LHFPL3: variants seen among roughly 807,000 people sequenced by gnomAD.
LHFPL3 encodes LHFPL tetraspan subfamily member 3.
LHFPL3 carries 5 observed loss-of-function variants against 19.3 expected under a neutral mutation model. The ratio of observed to expected loss-of-function variants is 0.26; its 90% CI spans 0.14 to 0.54. LHFPL3 has a LOEUF of 0.54. Ranked by LOEUF, LHFPL3 falls within the 20% of genes least tolerant of loss-of-function variation. The pLI is 0.94. For missense variants in LHFPL3, 249 were observed against 307.4 expected (o/e 0.81, Z 1.42); for synonymous variants, 133 against 126.2 (o/e 1.05, Z -0.36).
intron 1 of LHFPL3, among the ~76,000 whole-genome samples, chr7:104,468,390 C>G (rs1190235899): frequency 6.6e-6 from 1 of 152,174 alleles, no homozygotes; most frequent in Non-Finnish European, 1.5e-5. Flanking sequence ...AAGCCAGTGC[C>G]AATAGCCAGT....
chr7:104,536,088 G>A (rs1056527070), intron 1 of LHFPL3, among the ~76,000 whole-genome samples: 1 of 152,182 alleles, frequency 6.6e-6, no homozygotes, highest in Non-Finnish European at 1.5e-5. Context: ...GCTGCACAGA[G>A]GGCAGAGTAC....
chr7:104,848,805 G>C (rs992613432), intron 2 of LHFPL3, among the ~76,000 whole-genome samples: 1 of 152,168 alleles, frequency 6.6e-6, no homozygotes, highest in Non-Finnish European at 1.5e-5. Context: ...ATATCAGCCT[G>C]GAGGCCTGGT....
intron 2 of LHFPL3, among the ~76,000 whole-genome samples, chr7:104,843,736 G>C (rs1791258538): frequency 6.6e-6 from 1 of 152,142 alleles, no homozygotes; most frequent in Non-Finnish European, 1.5e-5. Context: ...GACCAAAAGA[G>C]AGAAGTAAGA....
intron 1 of LHFPL3, among the ~76,000 whole-genome samples, chr7:104,519,160 A>G (rs1450481072): frequency 6.6e-6 from 1 of 152,114 alleles, no homozygotes; most frequent in Non-Finnish European, 1.5e-5. Flanking sequence ...CCCAAAAGAC[A>G]TCTGTGCTGT....
intron 1 of LHFPL3, among the ~76,000 whole-genome samples, chr7:104,705,978 A>G (rs1237932657): frequency 6.6e-6 from 1 of 151,984 alleles, no homozygotes; most frequent in East Asian, 1.9e-4. Flanking sequence ...CTTCCCCAAC[A>G]CCATAAGGAG....
chr7:104,852,252 G>GA (rs1791427436), intron 2 of LHFPL3, among the ~76,000 whole-genome samples: 1 of 152,168 alleles, frequency 6.6e-6, no homozygotes, highest in African/African-American at 2.4e-5. Context: ...AGAGAGAAGG[G>GA]AAACAAGAAA....
intron 1 of LHFPL3, among the ~76,000 whole-genome samples, chr7:104,418,866 T>C (rs1791675122): frequency 6.6e-6 from 1 of 152,208 alleles, no homozygotes; most frequent in African/African-American, 2.4e-5. Context: ...AGTGAATCCT[T>C]CTGCTGTGTC....
intron 1 of LHFPL3, among the ~76,000 whole-genome samples, chr7:104,658,682 C>T (rs1012452986): frequency 2.0e-5 from 3 of 152,228 alleles, no homozygotes; most frequent in African/African-American, 7.2e-5. Flanking sequence ...CCCAGTTACC[C>T]TGGAGGCTGA....
At chr7:104,332,015 T>C (rs1390022362) in intron 1 of LHFPL3, among the ~76,000 whole-genome samples, 1 of 151,970 alleles carries the variant, frequency 6.6e-6, no homozygotes, top group African/African-American at 2.4e-5. Context: ...AGTAGTCTTC[T>C]CCTACCTATT....
chr7:104,774,403 C>G (rs540853387), intron 2 of LHFPL3, among the ~76,000 whole-genome samples: 1 of 152,184 alleles, frequency 6.6e-6, no homozygotes, highest in Non-Finnish European at 1.5e-5. Flanking sequence ...GAAGAAACTA[C>G]GGCAAGAAAT....
At chr7:104,616,723 T>C (rs1465244373) in intron 1 of LHFPL3, among the ~76,000 whole-genome samples, 2 of 152,138 alleles carry the variant, frequency 1.3e-5, no homozygotes, top group Non-Finnish European at 2.9e-5. Context: ...GGAGAAAATT[T>C]TTCCATTCTG....
intron 2 of LHFPL3, among the ~76,000 whole-genome samples, chr7:104,824,682 TATA>T (rs1409616226): frequency 1.0e-5 from 1 of 97,206 alleles, no homozygotes; most frequent in Non-Finnish European, 1.8e-5. Context: ...TGGCATTATA[TATA>T]ATATATATTA....
At chr7:104,605,712 G>A (rs1791082851) in intron 1 of LHFPL3, among the ~76,000 whole-genome samples, 1 of 151,852 alleles carries the variant, frequency 6.6e-6, no homozygotes, top group Non-Finnish European at 1.5e-5. Context: ...CATATTTTTG[G>A]TATTCAGTTT....
At chr7:104,811,790 C>G (rs1309941590) in intron 2 of LHFPL3, among the ~76,000 whole-genome samples, 2 of 152,176 alleles carry the variant, frequency 1.3e-5, no homozygotes, top group Admixed American at 6.5e-5. Flanking sequence ...AGTTCATTCT[C>G]ATTTTGAAGG....
chr7:104,682,906 A>G (rs1792734840), intron 1 of LHFPL3, among the ~76,000 whole-genome samples: 1 of 152,248 alleles, frequency 6.6e-6, no homozygotes, highest in African/African-American at 2.4e-5. Flanking sequence ...TAGAAAACAC[A>G]AACTGCCACT....
chr7:104,816,350 C>G (rs541755095), intron 2 of LHFPL3, among the ~76,000 whole-genome samples: 2 of 152,312 alleles, frequency 1.3e-5, no homozygotes, highest in East Asian at 3.9e-4. Flanking sequence ...GGATTTGAGG[C>G]TCTGCACTAA....
At chr7:104,496,919 G>A (rs1203858669) in intron 1 of LHFPL3, among the ~76,000 whole-genome samples, 1 of 152,098 alleles carries the variant, frequency 6.6e-6, no homozygotes, top group East Asian at 1.9e-4. Context: ...AAACTCTCCA[G>A]TACCCCAAAG....
rs1792421392 is a variant in LHFPL3, at chr7:104,669,085, G to A, written c.446-67590G>A. On this transcript the variant is annotated intron_variant, in intron 1 of 2. Coordinates refer to ENST00000424859, the MANE Select transcript of LHFPL3 (RefSeq NM_199000.3). ...AGAGAGTGAGAAGTCTCTAGAAAATGAAACACTCAATAAGGAGGAAGATTG... is the reference window on the plus strand; with the variant it reads ...AGAGAGTGAGAAGTCTCTAGAAAATAAAACACTCAATAAGGAGGAAGATTG... The A allele has an allele frequency of 3.1e-6, 5 of 1,612,660 alleles. No individual in the cohort carries two copies. In the East Asian group the frequency reaches 1.1e-4, roughly 36 times the overall value.
intron 1 of LHFPL3, among the ~76,000 whole-genome samples, chr7:104,360,694 CGTGTGTGTGTGTGTGTGT>C (rs61216282): frequency 0.046 from 6,616 of 144,466 alleles, 223 homozygotes; most frequent in Middle Eastern, 0.091. Context: ...AAAGTGCTTC[CGTGTGTGTGTGTGTGTGT>C]GTGTGTGTGT....
Sources: gnomAD v4.1 joint callset for allele counts (sites outside exome capture counted in the v4.1 genomes callset) on GRCh38, gnomAD v4.1.1 for gene constraint, MANE v1.5 for transcripts, NCBI Gene and HGNC (gene_info 2026-07-23, HGNC 2026-07-21) for gene names.